Variants in CCDC14 observed in about 807,000 individuals in gnomAD.
CCDC14 encodes coiled-coil domain containing 14.
Under a neutral mutation model 81.4 loss-of-function variants are expected in CCDC14, and 71 were observed. The ratio of observed to expected loss-of-function variants is 0.87; its 90% CI spans 0.72 to 1.06. CCDC14 has a LOEUF of 1.06. Ranked by LOEUF, CCDC14 falls within the 50% of genes least tolerant of loss-of-function variation. The pLI is 0.00. For missense variants in CCDC14, 1,046 were observed against 1,047.3 expected, an observed-to-expected ratio of 1.00 and a Z score of 0.02; for synonymous variants, 332 against 364.8, an observed-to-expected ratio of 0.91 and a Z score of 1.03.
Position 123,915,246 on chromosome 3 carries a change from G to A in CCDC14, c.2251C>T (p.Pro751Ser), listed in dbSNP as rs779343412. The change falls in exon 13 of 13, where the codon CCT (proline) becomes TCT (serine). Residue 751 changes from proline to serine, a missense_variant. Transcript: ENST00000409697. Reference sequence around the variant, plus strand: ...GTAGCTGCTCTTATTTGTGGCTGAGGGGATAGTCTCTTAGAAAGTGGTGAT... The same window carrying A: ...GTAGCTGCTCTTATTTGTGGCTGAGAGGATAGTCTCTTAGAAAGTGGTGAT... ...KKSPLSKRLS[P>S]QPQIRAATTQ... The A allele has an allele frequency of 4.7e-5, 76 of 1,613,746 alleles. No individual in the cohort carries two copies. The South Asian group carries it at 7.8e-4, about 17-fold the overall frequency.
chr3:123,957,901 C>A (rs2037429675), intron 1 of CCDC14: 1 of 152,062 alleles, frequency 6.6e-6, no homozygotes, highest in Non-Finnish European at 1.5e-5. Context: ...TTTATAATTT[C>A]TCTTCACATA....
chr3:123,932,500 T>G (rs901976510), intron 10 of CCDC14, among the ~76,000 whole-genome samples: 1 of 152,220 alleles, frequency 6.6e-6, no homozygotes, highest in Non-Finnish European at 1.5e-5. Context: ...CATCATGTCA[T>G]GTATTGTTTC....
chr3:123,935,769 A>G (rs2036026371), intron 9 of CCDC14, among the ~76,000 whole-genome samples: 1 of 152,130 alleles, frequency 6.6e-6, no homozygotes, highest in African/African-American at 2.4e-5. Flanking sequence ...CCCTGGTCAG[A>G]TTCTTCTCTT....
downstream of CCDC14, among the ~76,000 whole-genome samples, chr3:123,894,727 C>T (rs999990403): frequency 6.6e-6 from 1 of 152,038 alleles, no homozygotes; most frequent in African/African-American, 2.4e-5. Context: ...GAATTGTTTT[C>T]TTAATTTCTT....
downstream of CCDC14, among the ~76,000 whole-genome samples, chr3:123,894,590 A>T (rs1382813431): frequency 6.6e-6 from 1 of 152,170 alleles, no homozygotes; most frequent in African/African-American, 2.4e-5. Flanking sequence ...TAAACACAGA[A>T]TGTCTTTCAT....
chr3:123,926,191 G>A (rs1240733218), intron 12 of CCDC14, among the ~76,000 whole-genome samples: 1 of 151,942 alleles, frequency 6.6e-6, no homozygotes, highest in African/African-American at 2.4e-5. Flanking sequence ...CTTAATTTCT[G>A]GAAATTAGTA....
chr3:123,898,995 C>T (rs1330074526), intron 5 of CCDC14, among the ~76,000 whole-genome samples: 1 of 151,038 alleles, frequency 6.6e-6, no homozygotes. Flanking sequence ...GCTGGGATTA[C>T]AGGCCTGATC....
At chr3:123,951,891 G>A (rs1577329610) in intron 5 of CCDC14, among the ~76,000 whole-genome samples, 2 of 151,852 alleles carry the variant, frequency 1.3e-5, no homozygotes, top group South Asian at 2.1e-4. Flanking sequence ...AAATCTCTAC[G>A]GATAATGTTG....
At chr3:123,926,923 G>C (rs1373670753) in intron 12 of CCDC14, among the ~76,000 whole-genome samples, 1 of 152,200 alleles carries the variant, frequency 6.6e-6, no homozygotes, top group African/African-American at 2.4e-5. Context: ...AGATTTATCT[G>C]TACTGTCGGA....
At chr3:123,936,972 TA>T (rs2036091161) in intron 9 of CCDC14, among the ~76,000 whole-genome samples, 1 of 152,152 alleles carries the variant, frequency 6.6e-6, no homozygotes, top group Non-Finnish European at 1.5e-5. Context: ...AATTATGGAA[TA>T]TATACTCTTT....
intron 8 of CCDC14, among the ~76,000 whole-genome samples, 157 bp downstream of exon 8, chr3:123,946,646 C>T (rs146031530): frequency 5.8e-4 from 88 of 152,200 alleles, no homozygotes; most frequent in Middle Eastern, 3.4e-3. Context: ...GGGATCAAAA[C>T]TTAAAAAATA....
At chr3:123,918,629 TGC>T (rs2034851797) in intron 12 of CCDC14, among the ~76,000 whole-genome samples, 1 of 152,172 alleles carries the variant, frequency 6.6e-6, no homozygotes, top group Non-Finnish European at 1.5e-5. Context: ...CCCCTGGGCC[TGC>T]AGTTTCTACC....
chr3:123,952,507 T>C (rs1362382332), intron 5 of CCDC14: 2 of 426,002 alleles, frequency 4.7e-6, no homozygotes, highest in African/African-American at 4.0e-5. Context: ...TTTTTTTAAA[T>C]GCCAGAAGCA....
chr3:123,913,972 T>C lies in CCDC14; in HGVS notation c.*807A>G, dbSNP rs2148774654. The C allele has an allele frequency of 1.0e-6, 1 of 985,450 alleles. No homozygotes were observed. 61.0% of individuals were successfully genotyped at this position (985,450 alleles called of 1,614,324 possible). Reference sequence around the variant, plus strand: ...TCAGCTAACATGCTGGGAGAAAAAATTCTTCCAAAAAGGCAGAATTACAAT... The same window carrying C: ...TCAGCTAACATGCTGGGAGAAAAAACTCTTCCAAAAAGGCAGAATTACAAT... On this transcript the variant is annotated 3_prime_UTR_variant, in exon 13 of 13. Coordinates refer to ENST00000409697, the MANE Select transcript of CCDC14 (RefSeq NM_001366335.1).
Position 123,915,260 on chromosome 3 carries a change from GA to G in CCDC14, c.2236del (p.Ser746LeufsTer10), listed in dbSNP as rs1326972820. The G allele has an allele frequency of 1.2e-6, 2 of 1,613,784 alleles. No homozygotes were observed. The highest frequency in any genetic ancestry group is 1.7e-6 in the Non-Finnish European group (2 of 1,179,892). The part of the protein sequence containing the change: ...RSTPEKKSPL[S>X]KRLSPQPQIR... ...TTGTGGCTGAGGGGATAGTCTCTTAGAAAGTGGTGATTTCTTTTCAGGAGTG... is the reference window on the plus strand; with the variant it reads ...TTGTGGCTGAGGGGATAGTCTCTTAGAAGTGGTGATTTCTTTTCAGGAGTG... On this transcript the variant is annotated frameshift_variant, in exon 13 of 13. Coordinates refer to ENST00000409697, the MANE Select transcript of CCDC14 (RefSeq NM_001366335.1). LOFTEE classifies it low-confidence loss of function (END_TRUNC).
chr3:123,888,250 A>T, the CCDC14 span, among the ~76,000 whole-genome samples: 1 of 152,054 alleles, frequency 6.6e-6, no homozygotes, highest in Non-Finnish European at 1.5e-5. Context: ...TATGATCTTT[A>T]TTCACTTTGT....
downstream of CCDC14, among the ~76,000 whole-genome samples, chr3:123,895,433 T>C (rs1354219337): frequency 1.3e-5 from 2 of 152,220 alleles, no homozygotes; most frequent in Non-Finnish European, 2.9e-5. Flanking sequence ...ATGTACTAAA[T>C]CTATCCAGAT....
intron 10 of CCDC14, among the ~76,000 whole-genome samples, chr3:123,932,010 G>A (rs1422057476): frequency 1.3e-5 from 2 of 152,060 alleles, no homozygotes; most frequent in Non-Finnish European, 2.9e-5. Flanking sequence ...CCATAAGACT[G>A]TTGTATACAA....
chr3:123,929,404 G>C (rs2148847289), intron 12 of CCDC14, among the ~76,000 whole-genome samples: 1 of 152,126 alleles, frequency 6.6e-6, no homozygotes, highest in Admixed American at 6.5e-5. Context: ...TCCACCTCCT[G>C]GGCTCCTCCC....
Sources: gnomAD v4.1 joint callset for allele counts (sites outside exome capture counted in the v4.1 genomes callset) on GRCh38, gnomAD v4.1.1 for gene constraint, MANE v1.5 for transcripts, NCBI Gene and HGNC (gene_info 2026-07-23, HGNC 2026-07-21) for gene names.